Variants in RFTN1 observed in about 807,000 individuals in gnomAD.
RFTN1 encodes the protein raftlin, lipid raft linker 1, also known as raftlin.
RFTN1 carries 26 observed loss-of-function variants against 46.5 expected under a neutral mutation model. The observed-to-expected ratio is 0.56, with a 90% CI of 0.41 to 0.78. The LOEUF (loss-of-function observed/expected upper bound fraction) is 0.78. Ranked by LOEUF, RFTN1 falls within the 30% of genes least tolerant of loss-of-function variation. The pLI, the probability that RFTN1 is intolerant of heterozygous loss-of-function variation, is 0.00. For missense variants in RFTN1, 693 were observed against 718.7 expected, an observed-to-expected ratio of 0.96 and a Z score of 0.41; for synonymous variants, 261 against 284.2, an observed-to-expected ratio of 0.92 and a Z score of 0.82.
intron 2 of RFTN1, among the ~76,000 whole-genome samples, chr3:16,464,094 G>A (rs1452100754): frequency 1.3e-5 from 2 of 151,970 alleles, no homozygotes; most frequent in African/African-American, 2.4e-5. Flanking sequence ...CTTATCTTTC[G>A]AACCTCTCGT....
At chr3:16,490,164 G>T (rs2076516929) in intron 2 of RFTN1, among the ~76,000 whole-genome samples, 2 of 152,176 alleles carry the variant, frequency 1.3e-5, no homozygotes, top group African/African-American at 4.8e-5. Flanking sequence ...CAAACAGAAA[G>T]ATAAACAAGG....
intron 7 of RFTN1, chr3:16,347,817 C>T (rs1399582326): frequency 6.6e-6 from 1 of 152,208 alleles, no homozygotes; most frequent in Non-Finnish European, 1.5e-5. Flanking sequence ...ATGTAATATT[C>T]CTCAATGGGA....
chr3:16,415,403 A>G (rs1448369460), intron 3 of RFTN1, among the ~76,000 whole-genome samples: 1 of 140,216 alleles, frequency 7.1e-6, no homozygotes, highest in Non-Finnish European at 1.5e-5. Flanking sequence ...TCTGGTAGAC[A>G]GTTGAGTATA....
At position 16,374,145 on chromosome 3, in the gene RFTN1, A is replaced by C. The variant is rs1382074000; in HGVS notation, c.826+3573T>G. On this transcript the variant is annotated intron_variant, in intron 5 of 9. Transcript: ENST00000334133. This position sits in a 1 kb window ranked among gnomAD's most constrained non-coding sequence, Gnocchi z 5.4. Reference sequence around the variant, plus strand: ...CTTCACCATCTCATGTGACTCTCCCAAACTTGATGAGAGGGGGTGGCCCTG... The same window carrying C: ...CTTCACCATCTCATGTGACTCTCCCCAACTTGATGAGAGGGGGTGGCCCTG... 6.6e-6 allele frequency among the ~76,000 whole-genome samples: 1 copy of C among 152,160 alleles called. No individual in the cohort carries two copies. Among genetic ancestry groups the C allele is most frequent in the African/African-American group, 2.4e-5 (1 of 41,436 alleles).
chr3:16,364,469 G>A (rs1179347525), intron 6 of RFTN1, among the ~76,000 whole-genome samples: 1 of 152,156 alleles, frequency 6.6e-6, no homozygotes, highest in South Asian at 2.1e-4. Flanking sequence ...TCCTGTTTGA[G>A]GCACCGGGGG....
chr3:16,504,445 G>A lies in RFTN1; in HGVS notation c.-9+8997C>T, dbSNP rs1168005510. Among the ~76,000 whole-genome samples, 2 of 152,124 alleles carry A rather than the reference G, an allele frequency of 1.3e-5. No homozygotes were observed. Among genetic ancestry groups the A allele is most frequent in the African/African-American group, 2.4e-5 (1 of 41,424 alleles). On this transcript the variant is annotated intron_variant, in intron 1 of 9. Coordinates refer to ENST00000334133, the MANE Select transcript of RFTN1 (RefSeq NM_015150.2). The surrounding 1 kb of genome is among the most constrained non-coding windows in gnomAD (Gnocchi z 4.4). ...ATATGACATCATCAAGAGTAATATGGTACTGTCAGATGTTGATATTGTGAA... is the reference window on the plus strand; with the variant it reads ...ATATGACATCATCAAGAGTAATATGATACTGTCAGATGTTGATATTGTGAA...
chr3:16,399,640 C>A (rs977478828), intron 4 of RFTN1, among the ~76,000 whole-genome samples: 3 of 152,152 alleles, frequency 2.0e-5, no homozygotes, highest in African/African-American at 7.2e-5. Flanking sequence ...TTCCTTCACA[C>A]CCTCCCCTCC....
In RFTN1 at chr3:16,413,752, A is replaced by G. The variant is rs1346978378; in HGVS notation, c.333-4269T>C. ...CTCTGAGGAGAGCATGACTAATAAT[A>G]AAATATGCTTCCCCATCACTCGCCA... is the stretch of plus-strand genomic sequence containing the variant. On this transcript the variant is annotated intron_variant, in intron 3 of 9. Transcript: ENST00000334133. This position sits in a 1 kb window ranked among gnomAD's most constrained non-coding sequence, Gnocchi z 4.7. Among the ~76,000 whole-genome samples, 1 of 152,216 alleles carries G rather than the reference A, an allele frequency of 6.6e-6. No homozygotes were observed. The highest frequency in any genetic ancestry group is 1.5e-5 in the Non-Finnish European group (1 of 68,042).
At position 16,418,569 on chromosome 3, in the gene RFTN1, C is replaced by T. The variant is rs1005291246; in HGVS notation, c.333-9086G>A. 6.6e-6 allele frequency among the ~76,000 whole-genome samples: 1 copy of T among 151,976 alleles called. No individual in the cohort carries two copies. Among genetic ancestry groups the T allele is most frequent in the Non-Finnish European group, 1.5e-5 (1 of 68,000 alleles). ...TCCAGCCAGGAAAAAAAATACTAAA[C>T]GTCAGTTGACAAAAACAAATTCTCT... is the stretch of plus-strand genomic sequence containing the variant. On this transcript the variant is annotated intron_variant, in intron 3 of 9. Coordinates refer to ENST00000334133, the MANE Select transcript of RFTN1 (RefSeq NM_015150.2). The surrounding 1 kb of genome is among the most constrained non-coding windows in gnomAD (Gnocchi z 5.0).
intron 4 of RFTN1, among the ~76,000 whole-genome samples, chr3:16,379,747 T>C (rs2073919167): frequency 6.6e-6 from 1 of 152,212 alleles, no homozygotes; most frequent in Admixed American, 6.5e-5. Context: ...TATTCCATTC[T>C]GAAAATTTTT....
In RFTN1 at chr3:16,468,312, T is replaced by C. The variant is rs1044078721; in HGVS notation, c.145+25413A>G. Among the ~76,000 whole-genome samples the C allele has an allele frequency of 6.6e-6, 1 of 152,192 alleles. No homozygotes were observed. The highest frequency in any genetic ancestry group is 1.9e-4 in the East Asian group (1 of 5,194). ...CCAAACCCTCACTGTCGTTCGTTTT[T>C]GAAGTACCTGCATTCTGTCTCGAGT... On this transcript the variant is annotated intron_variant, in intron 2 of 9. Coordinates refer to ENST00000334133, the MANE Select transcript of RFTN1 (RefSeq NM_015150.2). This position sits in a 1 kb window ranked among gnomAD's most constrained non-coding sequence, Gnocchi z 4.4.
At position 16,316,771 on chromosome 3, in the gene RFTN1, TGGTAAGATGCCTTG is replaced by T. The variant is rs1398594344; in HGVS notation, c.*43_*56del. On this transcript the variant is annotated 3_prime_UTR_variant, in exon 10 of 10. Transcript: ENST00000334133. The surrounding 1 kb of genome is among the most constrained non-coding windows in gnomAD (Gnocchi z 4.5). Reference sequence around the variant, plus strand: ...GGAAACCAGCCCCCAAACCAGCTGTTGGTAAGATGCCTTGGGTTTGGCAACTCACCTAGTTTTAG... The same window carrying T: ...GGAAACCAGCCCCCAAACCAGCTGTTGGTTTGGCAACTCACCTAGTTTTAG... The T allele has an allele frequency of 6.2e-7, 1 of 1,603,036 alleles. No individual in the cohort carries two copies. Among genetic ancestry groups the T allele is most frequent in the African/African-American group, 1.3e-5 (1 of 74,606 alleles).
rs138429090 is a variant in RFTN1, at chr3:16,316,974, C to T, written c.1591G>A (p.Val531Met). The T allele has an allele frequency of 3.3e-5, 54 of 1,614,052 alleles. No homozygotes were observed. In the African/African-American group the frequency reaches 5.2e-4, roughly 16 times the overall value. Residue 531 changes from valine to methionine, a missense_variant, in exon 10 of 10, where the codon GTG becomes ATG. Val to Met is a conservative substitution (Grantham distance 21, BLOSUM62 1). Transcript: ENST00000334133. This position sits in a 1 kb window ranked among gnomAD's most constrained non-coding sequence, Gnocchi z 4.5. ...SPGGLLCGVGVEGEAVQNGPA... is the reference protein window; with the variant it reads ...SPGGLLCGVGMEGEAVQNGPA... The stretch of plus-strand genomic sequence containing the variant: ...CCATTCTGCACAGCCTCACCCTCCA[C>T]ACCCACCCCACACAGCAGGCCACCA...
intron 4 of RFTN1, among the ~76,000 whole-genome samples, chr3:16,404,098 A>ATTATATATAATATATAATATACATT (rs2074746414): frequency 3.4e-5 from 1 of 29,766 alleles, no homozygotes; most frequent in Non-Finnish European, 5.3e-5. Flanking sequence ...TATATTATAT[A>ATTATATATAATATATAATATACATT]TTATATATAA....
intron 2 of RFTN1, among the ~76,000 whole-genome samples, chr3:16,456,265 C>A (rs58969168): frequency 0.065 from 9,954 of 152,162 alleles, 540 homozygotes; most frequent in East Asian, 0.22. Context: ...TTAACAATTA[C>A]AGTAACCAGG....
chr3:16,453,191 C>T (rs1346189545), intron 2 of RFTN1, among the ~76,000 whole-genome samples: 1 of 152,194 alleles, frequency 6.6e-6, no homozygotes, highest in Non-Finnish European at 1.5e-5. Context: ...AAGGGTTGAA[C>T]CTGACATTCA....
rs780279625 is a variant in RFTN1, at chr3:16,348,910, G to A, written c.1146+9022C>T. 1.1e-4 allele frequency among the ~76,000 whole-genome samples: 16 copies of A among 152,226 alleles called. No individual in the cohort carries two copies. Among genetic ancestry groups the A allele is most frequent in the Non-Finnish European group, 2.1e-4 (14 of 68,036 alleles). ...TCCACACACATTTCAGAACACCCGA[G>A]CAAGTGGCTGCTGCCAAGGAGGAGG... On this transcript the variant is annotated intron_variant, in intron 7 of 9. Coordinates refer to ENST00000334133, the MANE Select transcript of RFTN1 (RefSeq NM_015150.2). This position sits in a 1 kb window ranked among gnomAD's most constrained non-coding sequence, Gnocchi z 6.3.
rs1294016206 is a variant in RFTN1 at position 16,489,244 on chromosome 3, C to T, written c.145+4481G>A. On this transcript the variant is annotated intron_variant, in intron 2 of 9. Coordinates refer to ENST00000334133, the MANE Select transcript of RFTN1 (RefSeq NM_015150.2). The surrounding 1 kb of genome is among the most constrained non-coding windows in gnomAD (Gnocchi z 4.0). ...ACCAGCCTGGCCAACATGGCAAAAG[C>T]CTGTGTCTACTAAAAATAAAAAAAT... is the stretch of plus-strand genomic sequence containing the variant. Among the ~76,000 whole-genome samples the T allele has an allele frequency of 1.3e-5, 2 of 151,990 alleles. No individual in the cohort carries two copies. Among genetic ancestry groups the T allele is most frequent in the Admixed American group, 6.6e-5 (1 of 15,252 alleles).
rs1388161203 is a variant in RFTN1 at position 16,385,408 on chromosome 3, A to G, written c.442-7306T>C. On this transcript the variant is annotated intron_variant, in intron 4 of 9. Coordinates refer to ENST00000334133, the MANE Select transcript of RFTN1 (RefSeq NM_015150.2). The surrounding 1 kb of genome is among the most constrained non-coding windows in gnomAD (Gnocchi z 5.0). Reference sequence around the variant, plus strand: ...CGTTTTAGGGCCACAAGGAAAGATCATGTAAACTTTCTGCTGTTGTGGTTT... The same window carrying G: ...CGTTTTAGGGCCACAAGGAAAGATCGTGTAAACTTTCTGCTGTTGTGGTTT... Among the ~76,000 whole-genome samples, 1 of 152,196 alleles carries G rather than the reference A, an allele frequency of 6.6e-6. No individual in the cohort carries two copies. The highest frequency in any genetic ancestry group is 2.4e-5 in the African/African-American group (1 of 41,432).
Sources: gnomAD v4.1 joint callset for allele counts (sites outside exome capture counted in the v4.1 genomes callset) on GRCh38, gnomAD v4.1.1 for gene constraint, Gnocchi (gnomAD v3.1) non-coding constraint, MANE v1.5 for transcripts, NCBI Gene and HGNC (gene_info 2026-07-23, HGNC 2026-07-21) for gene names.